Variants in GFM2 observed in about 807,000 individuals in gnomAD.
The protein encoded by GFM2 is GTP dependent ribosome recycling factor mitochondrial 2.
A neutral mutation model predicts 95.4 loss-of-function variants in GFM2; 72 were observed. The observed-to-expected ratio is 0.76, with a 90% confidence interval of 0.62 to 0.92. The LOEUF is 0.92. GFM2 is among the 40% of genes least tolerant of loss of function. The pLI is 0.00. For missense variants in GFM2, 825 were observed against 924.1 expected (o/e 0.89, Z 1.39); for synonymous variants, 276 against 317.5 (o/e 0.87, Z 1.39).
At chr5:74,745,905 AACT>A in intron 9 of GFM2, 48 bp from the exon 10 acceptor site, 1 of 1,444,052 alleles carries the variant, frequency 6.9e-7, no homozygotes, top group Non-Finnish European at 9.6e-7. Flanking sequence ...ACTCACTGAA[AACT>A]ACAATGATGA....
At position 74,730,272 on chromosome 5, in the gene GFM2, C is replaced by T; in HGVS notation, c.1714G>A (p.Val572Ile). The T allele has an allele frequency of 6.2e-7, 1 of 1,602,992 alleles. No homozygotes were observed. Among genetic ancestry groups the T allele is most frequent in the South Asian group, 1.1e-5 (1 of 88,382 alleles). Reference protein sequence around the residue: ...VAYRETILNSVRATDTLDRTL... With the variant: ...VAYRETILNSIRATDTLDRTL... ...TTTTACTTTTTACCTGTGGCACGAA[C>T]TGAGTTTAGGATGGTCTCTCGATAT... Residue 572 changes from valine (V) to isoleucine (I), a missense_variant, in exon 17 of 21, where the codon GTT becomes ATT. Coordinates refer to ENST00000296805, the MANE Select transcript of GFM2 (RefSeq NM_032380.5).
At position 74,758,785 on chromosome 5, in the gene GFM2, C is replaced by A. The variant is rs1280778151; in HGVS notation, c.304+64G>T. 4 of 1,042,702 alleles carry A rather than the reference C, an allele frequency of 3.8e-6. No individual in the cohort carries two copies. In the African/African-American group the frequency reaches 4.7e-5, roughly 12 times the overall value. The allele number at this position is 1,042,702 out of a possible 1,614,324, so 64.6% of individuals were successfully genotyped here. A position where few individuals can be genotyped will look rare whatever the true frequency, so the allele number is the denominator to read the frequency against. ...AAGGTGTGTAAGTTGACTTGTTAACCAAAATATTTTCCAATGATGCTTTTG... is the reference window on the plus strand; with the variant it reads ...AAGGTGTGTAAGTTGACTTGTTAACAAAAATATTTTCCAATGATGCTTTTG... On this transcript the variant is annotated intron_variant, in intron 5 of 20. Transcript: ENST00000296805.
intron 14 of GFM2, among the ~76,000 whole-genome samples, chr5:74,737,545 G>A (rs1385338403): frequency 1.3e-5 from 2 of 152,090 alleles, no homozygotes; most frequent in East Asian, 3.9e-4. Context: ...CAATGTATTT[G>A]TAGAGCTTCT....
chr5:74,759,294 C>T lies in GFM2; in HGVS notation c.206+75G>A. On this transcript the variant is annotated intron_variant, in intron 4 of 20. Coordinates refer to ENST00000296805, the MANE Select transcript of GFM2 (RefSeq NM_032380.5). ...AAAGTCATAGAAATTACAGCATTCACTCTTGTCCATCAGAAAAAACCTGTA... is the reference window on the plus strand; with the variant it reads ...AAAGTCATAGAAATTACAGCATTCATTCTTGTCCATCAGAAAAAACCTGTA... 3 of 845,312 alleles carry T rather than the reference C, an allele frequency of 3.5e-6. No homozygotes were observed. The South Asian group carries it at 4.5e-5, about 13-fold the overall frequency. 52.4% of individuals were successfully genotyped at this position (845,312 alleles called of 1,614,324 possible).
rs1366282366 is a variant in GFM2, at chr5:74,748,913, AAAAT to A, written c.520-1137_520-1134del. Reference sequence around the variant, plus strand: ...AATAAATAAAATAAAATAAAATAAAAAAATAAAAAAAAATAAAAAAAATAAAAAA... The same window carrying A: ...AATAAATAAAATAAAATAAAATAAAAAAAAAAAAATAAAAAAAATAAAAAA... On this transcript the variant is annotated intron_variant, in intron 7 of 20. Transcript: ENST00000296805. 8.3e-4 allele frequency among the ~76,000 whole-genome samples: 74 copies of A among 89,562 alleles called. No individual in the cohort carries two copies. The East Asian group carries it at 0.014, about 17-fold the overall frequency. The allele number at this position is 89,562 out of a possible 152,430, so 58.8% of individuals were successfully genotyped here.
chr5:74,760,675 T>C (rs1580022958), intron 3 of GFM2, among the ~76,000 whole-genome samples: 2 of 152,294 alleles, frequency 1.3e-5, no homozygotes, highest in East Asian at 3.9e-4. Flanking sequence ...CCACCAACCT[T>C]TCCTTTGCTC....
chr5:74,744,186 ATACAGCATGT>A (rs368619822), intron 10 of GFM2, among the ~76,000 whole-genome samples: 24,414 of 152,044 alleles, frequency 0.16, 2,378 homozygotes, highest in African/African-American at 0.27. Context: ...CTACAAATCC[ATACAGCATGT>A]TACTGTACTG....
At chr5:74,745,632 A>C in intron 10 of GFM2, 46 bp downstream of exon 10, 1 of 1,453,256 alleles carries the variant, frequency 6.9e-7, no homozygotes, top group Non-Finnish European at 9.4e-7. Flanking sequence ...TTTTAAGATA[A>C]GTGGTGCACA....
intron 8 of GFM2, among the ~76,000 whole-genome samples, chr5:74,747,318 C>G (rs188705951): frequency 6.6e-6 from 1 of 152,270 alleles, no homozygotes; most frequent in Non-Finnish European, 1.5e-5. Flanking sequence ...ATGCAGGAAA[C>G]AGTTCTCTAT....
chr5:74,751,437 T>C lies in GFM2; in HGVS notation c.361A>G (p.Ile121Val), dbSNP rs774652872. Residue 121 changes from isoleucine to valine, a missense_variant, in exon 6 of 21, where the codon ATT (isoleucine) becomes GTT (valine). Transcript: ENST00000296805. ...DFMAQERERG[I>V]TIQSAAVTFD... ...GTAACAGCAGCTGATTGAATAGTAA[T>C]GCCTCTTTCTCGCTCTTGGGCCATG... 5 of 1,610,098 alleles carry C rather than the reference T, an allele frequency of 3.1e-6. No homozygotes were observed. The East Asian group carries it at 1.1e-4, about 36-fold the overall frequency.
At chr5:74,760,838 CAA>C (rs1744242835) in intron 3 of GFM2, 62 bp downstream of exon 3, 1 of 1,059,210 alleles carries the variant, frequency 9.4e-7, no homozygotes, top group Non-Finnish European at 1.4e-6. Context: ...TTCTTGCAAA[CAA>C]GAGAGAGAAA....
intron 20 of GFM2, 53 bp from the exon 21 acceptor site, chr5:74,721,836 C>CTCTTCCTGCTGATTAT: frequency 6.6e-7 from 1 of 1,517,998 alleles, no homozygotes; most frequent in Non-Finnish European, 9.0e-7. Context: ...CCTCAAGTTT[C>CTCTTCCTGCTGATTAT]TCTTCCTGCT....
intron 17 of GFM2, among the ~76,000 whole-genome samples, chr5:74,728,544 C>G (rs1051617133): frequency 1.3e-5 from 2 of 152,002 alleles, no homozygotes; most frequent in African/African-American, 4.8e-5. Context: ...CCATGTTGTT[C>G]AAGGGTCAAC....
Position 74,730,376 on chromosome 5 carries a change from T to A in GFM2, c.1610A>T (p.Glu537Val), listed in dbSNP as rs1742493800. 6.2e-7 allele frequency: 1 copy of A among 1,608,292 alleles called. No individual in the cohort carries two copies. The highest frequency in any genetic ancestry group is 8.5e-7 in the Non-Finnish European group (1 of 1,176,630). Residue 537 changes from glutamate to valine, a missense_variant, in exon 17 of 21, where the codon GAG becomes GTG. By Grantham distance (121) the Glu-to-Val change is moderately radical. Coordinates refer to ENST00000296805, the MANE Select transcript of GFM2 (RefSeq NM_032380.5). The part of the protein sequence containing the change: ...SGQTVLCGMG[E>V]LHIEIIHDRI... ...ATCATGAATAATCTCTATATGTAAC[T>A]CCCCCATACCACACAGAACAGTCTG...
chr5:74,725,564 C>T, intron 19 of GFM2, 76 bp downstream of exon 19: 1 of 942,738 alleles, frequency 1.1e-6, no homozygotes, highest in African/African-American at 1.6e-5. Flanking sequence ...TCTGTAAACA[C>T]AGCTGTCTGC....
intron 15 of GFM2, chr5:74,736,387 TATAA>T (rs1742835046): frequency 1.3e-5 from 13 of 984,422 alleles, no homozygotes; most frequent in Non-Finnish European, 1.6e-5. Context: ...ATCCACAGTA[TATAA>T]ATATCTTCAT....
At position 74,745,713 on chromosome 5, in the gene GFM2, C is replaced by A. The variant is rs774282023; in HGVS notation, c.814G>T (p.Glu272Ter). Residue 272 changes from glutamate to a stop codon, truncating the protein, a stop_gained, in exon 10 of 21, where the codon GAA (glutamate) becomes TAA (stop). Coordinates refer to ENST00000296805, the MANE Select transcript of GFM2 (RefSeq NM_032380.5). LOFTEE classifies it high-confidence loss of function. ...AAGGCATTCCTTGCTTCAGTTGTTT[C>A]CTTCAGCAATTCAGGATCATTCATT... The part of the protein sequence containing the change: ...LEMNDPELLK[E>*]TTEARNALIE... 6.2e-7 allele frequency: 1 copy of A among 1,612,990 alleles called. No homozygotes were observed. Among genetic ancestry groups the A allele is most frequent in the African/African-American group, 1.3e-5 (1 of 74,832 alleles).
chr5:74,725,429 T>C (rs1334147512), intron 19 of GFM2, among the ~76,000 whole-genome samples: 1 of 152,162 alleles, frequency 6.6e-6, no homozygotes, highest in Non-Finnish European at 1.5e-5. Flanking sequence ...TAGCAATCCA[T>C]GTTACATAGT....
intron 7 of GFM2, among the ~76,000 whole-genome samples, 167 bp from the exon 8 acceptor site, chr5:74,747,947 G>A (rs1743472831): frequency 6.6e-6 from 1 of 152,212 alleles, no homozygotes; most frequent in African/African-American, 2.4e-5. Flanking sequence ...TAGCTATCAA[G>A]TTAACACAGC....
Sources: gnomAD v4.1 joint callset for allele counts (sites outside exome capture counted in the v4.1 genomes callset) on GRCh38, gnomAD v4.1.1 for gene constraint, MANE v1.5 for transcripts, NCBI Gene and HGNC (gene_info 2026-07-23, HGNC 2026-07-21) for gene names.